The following OSMR variants were observed in gnomAD, a reference collection of about 807,000 sequenced individuals.
OSMR encodes oncostatin M receptor, also known as oncostatin-M-specific receptor subunit beta.
A neutral mutation model predicts 99.9 loss-of-function variants in OSMR; 81 were observed. The observed-to-expected ratio is 0.81, with a 90% CI of 0.68 to 0.97. The LOEUF (loss-of-function observed/expected upper bound fraction) is 0.97. OSMR is among the 50% of genes least tolerant of loss of function. The probability of loss-of-function intolerance (pLI) is 0.00; values close to 1 mark genes in which losing one functional copy is unlikely to be tolerated. For missense variants in OSMR, 1,099 were observed against 1,153.4 expected, an observed-to-expected ratio of 0.95 and a Z score of 0.68; for synonymous variants, 406 against 410.4, an observed-to-expected ratio of 0.99 and a Z score of 0.13.
At position 38,865,620 on chromosome 5, in the gene OSMR, C is replaced by A. The variant is rs182411136; in HGVS notation, c.-13-3412C>A. The stretch of plus-strand genomic sequence containing the variant: ...ACACCAGACAGGCTGGTTGTTGAGC[C>A]CCACTGGTGGTGGTGGCACCAGGCC... On this transcript the variant is annotated intron_variant, in intron 1 of 17. Transcript: ENST00000274276. Among the ~76,000 whole-genome samples, 13 of 152,286 alleles carry A rather than the reference C, an allele frequency of 8.5e-5. No individual in the cohort carries two copies. The East Asian group carries it at 2.5e-3, about 29-fold the overall frequency.
intron 1 of OSMR, among the ~76,000 whole-genome samples, chr5:38,848,885 C>T (rs149152766): frequency 1.3e-5 from 2 of 152,200 alleles, no homozygotes; most frequent in East Asian, 1.9e-4. Context: ...GTGATCCTCC[C>T]ACCTCAGCCT....
At position 38,904,382 on chromosome 5, in the gene OSMR, G is replaced by A. The variant is rs778251974; in HGVS notation, c.1164G>A (p.Glu388=). The A allele has an allele frequency of 6.2e-7, 1 of 1,613,952 alleles. No homozygotes were observed. Among genetic ancestry groups the A allele is most frequent in the Non-Finnish European group, 8.5e-7 (1 of 1,179,910 alleles). ...ATGTTTCCATCAAGGTGAACGGTGAGTACTTCTTAAGTGAACTGGAACCTG... is the reference window on the plus strand; with the variant it reads ...ATGTTTCCATCAAGGTGAACGGTGAATACTTCTTAAGTGAACTGGAACCTG... ...QYNVSIKVNG[E]YFLSELEPAT... Residue 388 remains glutamate (E), a synonymous_variant, in exon 9 of 18, where the codon GAG becomes GAA. Coordinates refer to ENST00000274276, the MANE Select transcript of OSMR (RefSeq NM_003999.3).
At chr5:38,942,220 G>A in intron 1 of OSMR, 1 of 769,186 alleles carries the variant, frequency 1.3e-6, no homozygotes, top group Non-Finnish European at 2.2e-6. Flanking sequence ...TTGCTGCCTA[G>A]TCAGTCGTAT....
intron 4 of OSMR, 22 bp downstream of exon 4, chr5:38,881,786 A>G (rs761105518): frequency 6.3e-6 from 10 of 1,587,710 alleles, no homozygotes; most frequent in Admixed American, 1.7e-5. Flanking sequence ...GGTGGTTACA[A>G]GAGTGAAAAG....
At chr5:38,883,329 G>A (rs947466932) in intron 4 of OSMR, among the ~76,000 whole-genome samples, 1 of 152,348 alleles carries the variant, frequency 6.6e-6, no homozygotes, top group South Asian at 2.1e-4. Context: ...GGAGAGATAT[G>A]ATCTCCAGTA....
chr5:38,943,176 T>G, intron 1 of OSMR: 1 of 426,404 alleles, frequency 2.3e-6, no homozygotes, highest in Non-Finnish European at 4.2e-6. Context: ...TTAAAAAAAA[T>G]GATTATCAAA....
chr5:38,938,587 C>T (rs923925382), downstream of OSMR: 4 of 232,690 alleles, frequency 1.7e-5, no homozygotes, highest in Non-Finnish European at 3.4e-5. Flanking sequence ...TACAAAAATA[C>T]TCCAAACAGG....
intron 15 of OSMR, among the ~76,000 whole-genome samples, chr5:38,931,009 T>G (rs983746432): frequency 1.3e-5 from 2 of 151,834 alleles, no homozygotes; most frequent in Non-Finnish European, 2.9e-5. Context: ...TTTCGTAGTG[T>G]TTTTTGTTAT....
chr5:38,904,497 G>C lies in OSMR; in HGVS notation c.1279G>C (p.Glu427Gln). The change falls in exon 9 of 18, where the codon GAA becomes CAA. Residue 427 changes from glutamate (E) to glutamine (Q), a missense_variant. Transcript: ENST00000274276. ...GAGTGGTCAGAACTTCACCACACTT[G>C]AAGCTGGTATGTTCAGCCCCTGGCA... The part of the protein sequence containing the change: ...EWSGQNFTTL[E>Q]AAPSEAPDVW... 6.2e-7 allele frequency: 1 copy of C among 1,614,174 alleles called. No individual in the cohort carries two copies.
At chr5:38,864,075 A>G (rs1383840625) in intron 1 of OSMR, among the ~76,000 whole-genome samples, 1 of 152,152 alleles carries the variant, frequency 6.6e-6, no homozygotes, top group Non-Finnish European at 1.5e-5. Flanking sequence ...TGTAAGCAGC[A>G]TGTAGTTGGG....
intron 1 of OSMR, among the ~76,000 whole-genome samples, chr5:38,861,321 T>C (rs972233356): frequency 3.9e-4 from 59 of 152,106 alleles, no homozygotes; most frequent in Admixed American, 1.2e-3. Flanking sequence ...GTGGTGATGA[T>C]TCTTAACGAG....
intron 1 of OSMR, among the ~76,000 whole-genome samples, chr5:38,852,816 C>T (rs1019699019): frequency 6.9e-5 from 10 of 144,248 alleles, no homozygotes; most frequent in Middle Eastern, 3.8e-3. Context: ...CTGCAAGCTC[C>T]GCCTCTTGGG....
Position 38,881,256 on chromosome 5 carries a change from A to C in OSMR, c.247-337A>C, listed in dbSNP as rs142388828. 6.3e-3 allele frequency among the ~76,000 whole-genome samples: 956 copies of C among 151,972 alleles called. 3 individuals carry two copies. The highest frequency in any genetic ancestry group is 0.01 in the Non-Finnish European group (686 of 68,004). On this transcript the variant is annotated intron_variant, in intron 3 of 17. Transcript: ENST00000274276. Reference sequence around the variant, plus strand: ...TACTTTTCAAGAACTTTCTTAGCAGATTCTCTGGGACTGGCACAGTGAGCA... The same window carrying C: ...TACTTTTCAAGAACTTTCTTAGCAGCTTCTCTGGGACTGGCACAGTGAGCA...
chr5:38,890,338 CA>C lies in OSMR; in HGVS notation c.991+4152del, dbSNP rs538128922. ...AGGTCATCATGCATGGCAGACAAAG[CA>C]AAATTTTTATGCCAGGCAGAAATAA... On this transcript the variant is annotated intron_variant, in intron 7 of 17. Coordinates refer to ENST00000274276, the MANE Select transcript of OSMR (RefSeq NM_003999.3). 4.4e-4 allele frequency among the ~76,000 whole-genome samples: 67 copies of C among 152,274 alleles called. 1 individual carries two copies. Among genetic ancestry groups the C allele is most frequent in the African/African-American group, 1.6e-3 (66 of 41,546 alleles).
chr5:38,860,450 G>A (rs1579633797), intron 1 of OSMR, among the ~76,000 whole-genome samples: 1 of 152,118 alleles, frequency 6.6e-6, no homozygotes, highest in East Asian at 1.9e-4. Context: ...TTTTTGATGT[G>A]TTGTTGGATT....
In OSMR at chr5:38,846,377, C is replaced by T. The variant is rs572163338; in HGVS notation, c.-24C>T. The T allele has an allele frequency of 6.6e-6, 1 of 152,442 alleles. No individual in the cohort carries two copies. Among genetic ancestry groups the T allele is most frequent in the African/African-American group, 2.4e-5 (1 of 41,600 alleles). The allele number at this position is 152,442 out of a possible 1,614,324, so 9.4% of individuals were successfully genotyped here. On this transcript the variant is annotated 5_prime_UTR_variant, in exon 1 of 18. Transcript: ENST00000274276. Reference sequence around the variant, plus strand: ...CGCTCGGAGGGTCCTCGCCCCCGGCCTGCCTACCTGGTGGGTGAAAACTAA... The same window carrying T: ...CGCTCGGAGGGTCCTCGCCCCCGGCTTGCCTACCTGGTGGGTGAAAACTAA...
At chr5:38,889,426 G>T (rs1744007828) in intron 7 of OSMR, among the ~76,000 whole-genome samples, 3 of 151,746 alleles carry the variant, frequency 2.0e-5, no homozygotes, top group African/African-American at 7.3e-5. Flanking sequence ...ATTATCTGTT[G>T]TGTTTTTTTG....
intron 7 of OSMR, among the ~76,000 whole-genome samples, chr5:38,902,289 A>T (rs1178461815): frequency 6.6e-6 from 1 of 152,208 alleles, no homozygotes; most frequent in Non-Finnish European, 1.5e-5. Context: ...TGTTGGGGGA[A>T]CATACCCCTT....
chr5:38,944,630 C>T, intron 2 of OSMR: 1 of 1,399,236 alleles, frequency 7.1e-7, no homozygotes, highest in East Asian at 2.3e-5. Flanking sequence ...GATTAAAACT[C>T]ATGAAATTTA....
Sources: gnomAD v4.1 joint callset for allele counts (sites outside exome capture counted in the v4.1 genomes callset) on GRCh38, gnomAD v4.1.1 for gene constraint, MANE v1.5 for transcripts, NCBI Gene and HGNC (gene_info 2026-07-23, HGNC 2026-07-21) for gene names.